The following TEX11 variants were observed in gnomAD, a reference collection of about 807,000 sequenced individuals.
TEX11 encodes the protein testis-expressed protein 11.
A neutral mutation model predicts 84.4 loss-of-function variants in TEX11; 7 were observed. The ratio of observed to expected loss-of-function variants is 0.08; its 90% CI spans 0.05 to 0.16. The LOEUF (loss-of-function observed/expected upper bound fraction) is 0.16. TEX11 is among the 10% of genes least tolerant of loss of function. The pLI is 1.00. For missense variants in TEX11, 551 were observed against 660.5 expected, an observed-to-expected ratio of 0.83 and a Z score of 1.82; for synonymous variants, 264 against 222.8, an observed-to-expected ratio of 1.18 and a Z score of -1.64.
chrX:70,605,899 T>C (rs2147522787), intron 23 of TEX11, among the ~76,000 whole-genome samples: 1 of 111,658 alleles, frequency 9.0e-6, no homozygotes, highest in Non-Finnish European at 1.9e-5. Flanking sequence ...CCAAAATTAG[T>C]TCATATATTG....
At chrX:70,550,076 G>A (rs1197215216) in intron 28 of TEX11, among the ~76,000 whole-genome samples, 1 of 112,562 alleles carries the variant, frequency 8.9e-6, no homozygotes, top group Admixed American at 9.4e-5. Flanking sequence ...AGCAAACCCA[G>A]AAATAAATCC....
At chrX:70,603,398 G>A (rs1476409224) in intron 24 of TEX11, among the ~76,000 whole-genome samples, 20 of 102,156 alleles carry the variant, frequency 2.0e-4, no homozygotes, top group African/African-American at 4.6e-4. Flanking sequence ...AAATAACGCC[G>A]CATATCTACA....
chrX:70,702,947 GTAGTAGCAAACTTTATA>G (rs1382848129), intron 13 of TEX11, among the ~76,000 whole-genome samples: 2 of 111,642 alleles, frequency 1.8e-5, no homozygotes, highest in African/African-American at 6.5e-5. Flanking sequence ...CCAAATCATA[GTAGTAGCAAACTTTATA>G]TAGTGGCAAA....
intron 13 of TEX11, among the ~76,000 whole-genome samples, chrX:70,721,934 T>G (rs2090562767): frequency 1.8e-5 from 2 of 111,599 alleles, no homozygotes; most frequent in Admixed American, 9.6e-5. Flanking sequence ...GAAGTGAAAT[T>G]CACAAAGATC....
chrX:70,578,861 C>G (rs923926317), intron 25 of TEX11, among the ~76,000 whole-genome samples: 1 of 103,448 alleles, frequency 9.7e-6, no homozygotes, highest in Non-Finnish European at 2.0e-5. Context: ...ACCTCTGCCT[C>G]CCGGGTTCGA....
chrX:70,642,136 A>G (rs2089668361), intron 17 of TEX11, among the ~76,000 whole-genome samples: 1 of 111,760 alleles, frequency 8.9e-6, no homozygotes, highest in South Asian at 3.8e-4. Context: ...GAATACTAAA[A>G]ACACCTCTAT....
chrX:70,729,463 A>G (rs180689495), intron 11 of TEX11, among the ~76,000 whole-genome samples: 192 of 112,163 alleles, frequency 1.7e-3, no homozygotes, highest in African/African-American at 4.4e-3. Context: ...GAAGTCCTTA[A>G]AGGACCTGAT....
At chrX:70,798,891 A>G (rs1392350297) in intron 9 of TEX11, among the ~76,000 whole-genome samples, 1 of 85,070 alleles carries the variant, frequency 1.2e-5, no homozygotes, top group Non-Finnish European at 2.8e-5. Flanking sequence ...TAAAATTACT[A>G]GAAGAAAACT....
At chrX:70,596,878 C>T (rs2089013932) in intron 24 of TEX11, among the ~76,000 whole-genome samples, 1 of 110,427 alleles carries the variant, frequency 9.1e-6, no homozygotes, top group Non-Finnish European at 1.9e-5. Flanking sequence ...TCTATACTGA[C>T]CAAGAACAAA....
intron 13 of TEX11, among the ~76,000 whole-genome samples, chrX:70,688,427 T>C (rs930468592): frequency 1.7e-4 from 19 of 111,347 alleles, no homozygotes; most frequent in Admixed American, 1.4e-3. Context: ...AGATGAGCTA[T>C]CAGTCACAAA....
At chrX:70,542,802 A>G (rs1260452644) in intron 28 of TEX11, among the ~76,000 whole-genome samples, 2 of 112,480 alleles carry the variant, frequency 1.8e-5, no homozygotes, top group Non-Finnish European at 3.7e-5. Context: ...TGTCCCAAGC[A>G]TTTGAAACAA....
intron 28 of TEX11, among the ~76,000 whole-genome samples, chrX:70,542,032 G>A (rs2088052321): frequency 9.0e-6 from 1 of 110,963 alleles, no homozygotes; most frequent in Non-Finnish European, 1.9e-5. Flanking sequence ...AGCAAAAACT[G>A]GTAAAGAAGC....
intron 8 of TEX11, among the ~76,000 whole-genome samples, chrX:70,822,067 A>C (rs910002646): frequency 9.0e-6 from 1 of 111,322 alleles, no homozygotes; most frequent in East Asian, 2.8e-4. Context: ...TCTCTAGATT[A>C]CTTATAATAT....
chrX:70,728,294 T>A (rs2090615159), intron 11 of TEX11, among the ~76,000 whole-genome samples: 1 of 111,994 alleles, frequency 8.9e-6, no homozygotes, highest in Admixed American at 9.4e-5. Flanking sequence ...TGCATCTCAC[T>A]GGGGAGTGTT....
chrX:70,587,092 C>T lies in TEX11; in HGVS notation c.2140+4659G>A, dbSNP rs191746867. Among the ~76,000 whole-genome samples, 712 of 111,690 alleles carry T rather than the reference C, an allele frequency of 6.4e-3. 5 individuals are homozygous for T. The highest frequency in any genetic ancestry group is 0.021 in the African/African-American group (632 of 30,772). On this transcript the variant is annotated intron_variant, in intron 25 of 29. Coordinates refer to ENST00000374333, the MANE Select transcript of TEX11 (RefSeq NM_031276.3). ...TCTGGAACTATGAACTTGAGAGAGA[C>T]GATCTGAAATTGGAACTTATGTTTA...
At chrX:70,560,893 G>GTTTTTTT (rs745618647) in intron 25 of TEX11, among the ~76,000 whole-genome samples, 6 of 33,592 alleles carry the variant, frequency 1.8e-4, no homozygotes, top group East Asian at 1.5e-3. Context: ...CACCACACCG[G>GTTTTTTT]TTTTTTTTTT....
chrX:70,648,207 G>C (rs965547798), intron 17 of TEX11, among the ~76,000 whole-genome samples: 1 of 110,776 alleles, frequency 9.0e-6, no homozygotes, highest in African/African-American at 3.3e-5. Flanking sequence ...GGTGGGAATT[G>C]AACAATGAGA....
rs781355138 is a variant in TEX11 at position 70,584,106 on chromosome X, C to T, written c.2140+7645G>A. 7.4e-3 allele frequency among the ~76,000 whole-genome samples: 782 copies of T among 106,138 alleles called. 9 individuals carry two copies. The highest frequency in any genetic ancestry group is 0.026 in the African/African-American group (756 of 29,066). 92.2% of individuals were successfully genotyped at this position (106,138 alleles called of 115,157 possible). On this transcript the variant is annotated intron_variant, in intron 25 of 29. Coordinates refer to ENST00000374333, the MANE Select transcript of TEX11 (RefSeq NM_031276.3). ...CATCCTGGCTAACAAGGTGAAACCC[C>T]GTCTCTACTAAAAATACAAAAAAAA...
chrX:70,536,094 T>A (rs1267841057), intron 28 of TEX11, among the ~76,000 whole-genome samples: 1 of 111,492 alleles, frequency 9.0e-6, no homozygotes, highest in Non-Finnish European at 1.9e-5. Flanking sequence ...ATTTTCTTTA[T>A]TTCTTCCTTT....
Sources: allele counts gnomAD v4.1 joint callset (sites outside exome capture counted in the v4.1 genomes callset), GRCh38; gene constraint gnomAD v4.1.1; transcripts MANE v1.5; gene names NCBI Gene and HGNC (gene_info 2026-07-23, HGNC 2026-07-21).